Variants in SFMBT2 observed in about 807,000 individuals in gnomAD.
SFMBT2 encodes Scm like with four mbt domains 2, also known as scm-like with four MBT domains protein 2.
Under a neutral mutation model 110.1 loss-of-function variants are expected in SFMBT2, and 38 were observed. That is an observed-to-expected ratio of 0.35 (90% CI 0.27 to 0.45). SFMBT2 has a LOEUF of 0.45. Ranked by LOEUF, SFMBT2 falls within the 20% of genes least tolerant of loss-of-function variation. SFMBT2 has a pLI of 1.00. For synonymous variants in SFMBT2, 425 were observed against 425.4 expected (o/e 1.00, Z 0.01); for missense variants, 1,011 against 1,094.9 (o/e 0.92, Z 1.08).
At position 7,170,572 on chromosome 10, in the gene SFMBT2, C is replaced by A. The variant is rs905021938; in HGVS notation, c.2544+356G>T. On this transcript the variant is annotated intron_variant, in intron 20 of 20. Transcript: ENST00000397167. This position sits in a 1 kb window ranked among gnomAD's most constrained non-coding sequence, Gnocchi z 4.6. ...ACCCCTGCCTGGTGGTAAAGAGCCC[C>A]CACTGTAGAGTCGGTGGAGATGGCA... 6.6e-6 allele frequency among the ~76,000 whole-genome samples: 1 copy of A among 152,156 alleles called. No homozygotes were observed. Among genetic ancestry groups the A allele is most frequent in the East Asian group, 1.9e-4 (1 of 5,168 alleles).
At chr10:7,298,185 C>G (rs1019391272) in intron 4 of SFMBT2, among the ~76,000 whole-genome samples, 1 of 152,232 alleles carries the variant, frequency 6.6e-6, no homozygotes, top group Non-Finnish European at 1.5e-5. Context: ...ATTCCCCTAA[C>G]AGCCAGCCTC....
chr10:7,387,105 C>A (rs1055123358), intron 1 of SFMBT2, among the ~76,000 whole-genome samples: 1 of 152,092 alleles, frequency 6.6e-6, no homozygotes, highest in African/African-American at 2.4e-5. Context: ...GGGGAAGGGG[C>A]AATGAAAAGA....
At position 7,368,257 on chromosome 10, in the gene SFMBT2, T is replaced by C. The variant is rs998339951; in HGVS notation, c.196-368A>G. 1.4e-5 allele frequency: 11 copies of C among 805,854 alleles called. No individual in the cohort carries two copies. In the African/African-American group the frequency reaches 2.0e-4, roughly 15 times the overall value. 49.9% of individuals were successfully genotyped at this position (805,854 alleles called of 1,614,324 possible). A position where few individuals can be genotyped will look rare whatever the true frequency, so the allele number is the denominator to read the frequency against. ...GTGTGTATTCTACACTCAGAGCACA[T>C]CTGAATGTGGACTACACGGTTTTCA... On this transcript the variant is annotated intron_variant, in intron 3 of 20. Coordinates refer to ENST00000397167, the MANE Select transcript of SFMBT2 (RefSeq NM_001387889.1).
At chr10:7,181,588 C>T (rs182746896) in intron 16 of SFMBT2, among the ~76,000 whole-genome samples, 238 of 152,310 alleles carry the variant, frequency 1.6e-3, no homozygotes, top group African/African-American at 5.5e-3. Flanking sequence ...ATGACTCAAA[C>T]TATACCAAGC....
intron 11 of SFMBT2, among the ~76,000 whole-genome samples, chr10:7,209,003 G>A (rs116203596): frequency 6.6e-6 from 1 of 152,172 alleles, no homozygotes; most frequent in African/African-American, 2.4e-5. Flanking sequence ...TATTAAATAA[G>A]AACTGATGGA....
At chr10:7,243,175 G>C (rs1214636797) in intron 9 of SFMBT2, among the ~76,000 whole-genome samples, 1 of 152,186 alleles carries the variant, frequency 6.6e-6, no homozygotes, top group Non-Finnish European at 1.5e-5. Context: ...TAGCTCGCTG[G>C]AAATAAACAC....
At chr10:7,354,545 C>T (rs1253008315) in intron 4 of SFMBT2, among the ~76,000 whole-genome samples, 3 of 152,126 alleles carry the variant, frequency 2.0e-5, no homozygotes, top group South Asian at 2.1e-4. Context: ...GCAGATCAGT[C>T]TCATGGAAGA....
In SFMBT2 at chr10:7,205,890, C is replaced by T. The variant is rs1377339304; in HGVS notation, c.1369G>A (p.Glu457Lys). 6.2e-7 allele frequency: 1 copy of T among 1,613,928 alleles called. No individual in the cohort carries two copies. The highest frequency in any genetic ancestry group is 1.3e-5 in the African/African-American group (1 of 74,890). ...CCCACTGGGAAGATGTCCATGGATT[C>T]CACATCAACAATGACCTCTGGAACA... ...TPVPEVIVDV[E>K]SMDIFPVGWC... The change falls in exon 12 of 21, where the codon GAA becomes AAA. Residue 457 changes from glutamate (E) to lysine (K), a missense_variant. Physicochemically the swap from Glu to Lys is moderately conservative, Grantham distance 56. Around this residue, in one of 2 missense-constraint regions of SFMBT2, gnomAD observed 979 missense variants for 1,016.1 expected, o/e 0.96. Transcript: ENST00000397167.
intron 7 of SFMBT2, among the ~76,000 whole-genome samples, chr10:7,254,502 C>A (rs554729543): frequency 1.3e-5 from 2 of 152,032 alleles, no homozygotes; most frequent in African/African-American, 4.8e-5. Context: ...ATTTGGAAGA[C>A]GAAAATCATG....
chr10:7,358,705 T>C (rs1751664), intron 4 of SFMBT2, among the ~76,000 whole-genome samples: 7,417 of 139,070 alleles, frequency 0.053, 602 homozygotes, highest in African/African-American at 0.17. Flanking sequence ...GCATGGTGGC[T>C]CTGGAATGAA....
intron 1 of SFMBT2, among the ~76,000 whole-genome samples, chr10:7,387,494 T>C (rs1162514420): frequency 1.3e-5 from 2 of 152,010 alleles, no homozygotes; most frequent in Non-Finnish European, 2.9e-5. Context: ...ACCAAGAATG[T>C]ACCTGGAATC....
intron 7 of SFMBT2, among the ~76,000 whole-genome samples, chr10:7,257,433 G>A (rs2062986330): frequency 6.6e-6 from 1 of 152,162 alleles, no homozygotes; most frequent in African/African-American, 2.4e-5. Context: ...CATCGCTGCG[G>A]GAGAAACACA....
chr10:7,290,267 A>T (rs1842224486), intron 4 of SFMBT2, among the ~76,000 whole-genome samples: 1 of 152,136 alleles, frequency 6.6e-6, no homozygotes, highest in African/African-American at 2.4e-5. Flanking sequence ...GAAACAAAAA[A>T]AAAAAAAAGA....
chr10:7,244,917 G>A (rs1414808624), intron 8 of SFMBT2, among the ~76,000 whole-genome samples: 1 of 152,170 alleles, frequency 6.6e-6, no homozygotes, highest in South Asian at 2.1e-4. Flanking sequence ...GTGAGGTCAT[G>A]TCCGAGAGCC....
chr10:7,322,626 CACACAT>C (rs1278438982), intron 4 of SFMBT2, among the ~76,000 whole-genome samples: 1 of 151,894 alleles, frequency 6.6e-6, no homozygotes, highest in African/African-American at 2.4e-5. Flanking sequence ...CACACACACA[CACACAT>C]ACACAGCACA....
chr10:7,207,474 AAAGG>A lies in SFMBT2; in HGVS notation c.1331-1550_1331-1547del, dbSNP rs1276770570. 6.2e-3 allele frequency: 108 copies of A among 17,436 alleles called. 1 individual carries two copies. The highest frequency in any genetic ancestry group is 0.045 in the East Asian group (1 of 22). The allele number at this position is 17,436 out of a possible 1,614,324, so 1.1% of individuals were successfully genotyped here. On this transcript the variant is annotated intron_variant, in intron 11 of 20. Coordinates refer to ENST00000397167, the MANE Select transcript of SFMBT2 (RefSeq NM_001387889.1). Reference sequence around the variant, plus strand: ...GAAAGAAAGAAAAAGAAAGAAAGAGAAAGGAAGGAAGGAAGGAAGGAAAGGGAGG... The same window carrying A: ...GAAAGAAAGAAAAAGAAAGAAAGAGAAAGGAAGGAAGGAAGGAAAGGGAGG...
intron 4 of SFMBT2, among the ~76,000 whole-genome samples, chr10:7,304,341 TGACTTCCGCCATGATTGTG>T (rs1842635288): frequency 6.6e-6 from 1 of 152,224 alleles, no homozygotes. Flanking sequence ...TGTTCCCCTT[TGACTTCCGCCATGATTGTG>T]AGGCCTCCCC....
chr10:7,179,508 A>G (rs1214493621), intron 16 of SFMBT2, among the ~76,000 whole-genome samples: 1 of 151,776 alleles, frequency 6.6e-6, no homozygotes, highest in African/African-American at 2.4e-5. Context: ...AAAGTGCTTC[A>G]CGGCTACATT....
chr10:7,237,967 AGAT>A (rs1840308893), intron 9 of SFMBT2, among the ~76,000 whole-genome samples: 1 of 152,078 alleles, frequency 6.6e-6, no homozygotes, highest in African/African-American at 2.4e-5. Context: ...CACGTCAGGG[AGAT>A]GAGAGTGACT....
Sources: gnomAD v4.1 joint callset for allele counts (sites outside exome capture counted in the v4.1 genomes callset) on GRCh38, gnomAD v4.1.1 for gene constraint, gnomAD v4.1.1 regional missense constraint, Gnocchi (gnomAD v3.1) non-coding constraint, MANE v1.5 for transcripts, NCBI Gene and HGNC (gene_info 2026-07-23, HGNC 2026-07-21) for gene names.